CFAP47: variants seen among roughly 807,000 people sequenced by gnomAD.
CFAP47 encodes cilia- and flagella-associated protein 47.
Under a neutral mutation model 148.1 loss-of-function variants are expected in CFAP47, and 29 were observed. The ratio of observed to expected loss-of-function variants is 0.20; its 90% CI spans 0.15 to 0.27. The LOEUF (loss-of-function observed/expected upper bound fraction) is 0.27, where lower values mean the gene tolerates loss of function less well. Ranked by LOEUF, CFAP47 falls within the 10% of genes least tolerant of loss-of-function variation. CFAP47 has a pLI of 1.00. For missense variants in CFAP47, 1,872 were observed against 1,697.5 expected (o/e 1.10, Z -1.81); for synonymous variants, 664 against 577.3 (o/e 1.15, Z -2.15).
In CFAP47 at chrX:36,299,134, C is replaced by T. The variant is rs967476751; in HGVS notation, c.7844C>T (p.Thr2615Ile). The change falls in exon 52 of 64, where the codon ACA becomes ATA. Residue 2615 changes from threonine to isoleucine, a missense_variant. Thr to Ile is a moderately conservative substitution (Grantham distance 89). Coordinates refer to ENST00000378653, the MANE Select transcript of CFAP47 (RefSeq NM_001304548.2). ...ATTGTATGGTATTCTCCAGCAACTA[C>T]AGGCTACAGCGATGAAAGGTATGGT... ...KYIVWYSPAT[T>I]GYSDESIIFQ... The T allele has an allele frequency of 9.5e-7, 1 of 1,057,719 alleles. No homozygotes were observed. Among genetic ancestry groups the T allele is most frequent in the Middle Eastern group, 2.6e-4 (1 of 3,885 alleles). 87.2% of individuals were successfully genotyped at this position (1,057,719 alleles called of 1,213,427 possible).
At chrX:36,063,544 G>C (rs1937611417) in intron 26 of CFAP47, among the ~76,000 whole-genome samples, 1 of 111,389 alleles carries the variant, frequency 9.0e-6, no homozygotes, top group Non-Finnish European at 1.9e-5. Context: ...CTGCAAACTA[G>C]GTTTGTAAGA....
chrX:36,256,658 A>G (rs1555999019), intron 49 of CFAP47, among the ~76,000 whole-genome samples: 1 of 111,825 alleles, frequency 8.9e-6, no homozygotes, highest in African/African-American at 3.2e-5. Flanking sequence ...ACAAACAGGG[A>G]GATGTGTAAA....
chrX:36,027,914 G>A (rs796135916), intron 22 of CFAP47, among the ~76,000 whole-genome samples: 2 of 111,420 alleles, frequency 1.8e-5, no homozygotes, highest in African/African-American at 6.5e-5. Flanking sequence ...AATTAGTGAT[G>A]TTGAAATGTT....
chrX:36,153,361 C>T (rs990849450), intron 37 of CFAP47, among the ~76,000 whole-genome samples: 2 of 112,259 alleles, frequency 1.8e-5, no homozygotes, highest in Non-Finnish European at 3.8e-5. Flanking sequence ...TCCAGGCCCA[C>T]TGGTGGTCCT....
intron 45 of CFAP47, among the ~76,000 whole-genome samples, chrX:36,212,410 A>G (rs1429360499): frequency 9.0e-6 from 1 of 111,616 alleles, no homozygotes; most frequent in Non-Finnish European, 1.9e-5. Context: ...AATGGATTTT[A>G]GAATCTGCTC....
chrX:36,362,545 T>C (rs1258469929), intron 61 of CFAP47, among the ~76,000 whole-genome samples: 2 of 112,390 alleles, frequency 1.8e-5, no homozygotes, highest in Non-Finnish European at 3.8e-5. Context: ...TATTCCATAG[T>C]GTGTACATGT....
At chrX:35,989,724 A>G (rs1261727421) in intron 16 of CFAP47, 3 of 571,901 alleles carry the variant, frequency 5.2e-6, no homozygotes, top group African/African-American at 2.3e-5. Context: ...GTAATATGCA[A>G]TTTTAACCTT....
chrX:35,971,162 A>G (rs956209619), intron 11 of CFAP47, among the ~76,000 whole-genome samples: 5 of 112,188 alleles, frequency 4.5e-5, no homozygotes, highest in African/African-American at 6.5e-5. Context: ...TCCAGTGCCT[A>G]TGATTTATGG....
At chrX:36,074,612 T>G (rs1937813289) in intron 29 of CFAP47, among the ~76,000 whole-genome samples, 1 of 111,842 alleles carries the variant, frequency 8.9e-6, no homozygotes, top group Admixed American at 9.5e-5. Context: ...TTTTTCAAAT[T>G]TTTGAACAAA....
At chrX:36,363,649 C>A (rs782148435) in intron 61 of CFAP47, among the ~76,000 whole-genome samples, 4 of 111,710 alleles carry the variant, frequency 3.6e-5, no homozygotes, top group African/African-American at 1.3e-4. Flanking sequence ...AAATTCAATT[C>A]TGTTCTTTTT....
In CFAP47 at chrX:36,214,915, A is replaced by T. The variant is rs182990701; in HGVS notation, c.6817+9805A>T. Among the ~76,000 whole-genome samples the T allele has an allele frequency of 3.4e-3, 385 of 112,391 alleles. 4 individuals carry two copies. Among genetic ancestry groups the T allele is most frequent in the African/African-American group, 0.012 (361 of 31,009 alleles). On this transcript the variant is annotated intron_variant, in intron 45 of 63. Coordinates refer to ENST00000378653, the MANE Select transcript of CFAP47 (RefSeq NM_001304548.2). ...ACCCTAAAATAACAAGAAAAAGTAT[A>T]GTATAATAAATACATAAATCAACAA...
chrX:36,169,270 A>G lies in CFAP47; in HGVS notation c.6026+8501A>G, dbSNP rs1939535359. 2.7e-5 allele frequency among the ~76,000 whole-genome samples: 3 copies of G among 111,243 alleles called. No homozygotes were observed. The South Asian group carries it at 1.1e-3, about 42-fold the overall frequency. On this transcript the variant is annotated intron_variant, in intron 39 of 63. Transcript: ENST00000378653. The stretch of plus-strand genomic sequence containing the variant: ...GTGGATTGCCTTAAGTTTATCCTAC[A>G]AAGTGTTCTTTGTGCTTCTTGGATG...
At chrX:36,065,053 T>A (rs979383906) in intron 26 of CFAP47, among the ~76,000 whole-genome samples, 2 of 112,060 alleles carry the variant, frequency 1.8e-5, no homozygotes, top group Non-Finnish European at 3.8e-5. Flanking sequence ...TATAAGAGAT[T>A]TGGAGACCTG....
At chrX:36,029,886 A>AGTTCTTAGT (rs2146717775) in intron 22 of CFAP47, among the ~76,000 whole-genome samples, 1 of 110,515 alleles carries the variant, frequency 9.0e-6, no homozygotes, top group East Asian at 2.8e-4. Flanking sequence ...AATTAGCAAG[A>AGTTCTTAGT]GTTCTTAGTA....
At chrX:35,944,772 A>G (rs1936061392) in intron 3 of CFAP47, among the ~76,000 whole-genome samples, 1 of 111,690 alleles carries the variant, frequency 9.0e-6, no homozygotes, top group Non-Finnish European at 1.9e-5. Flanking sequence ...TTGCTTCTCT[A>G]GAGAAGATAG....
At chrX:36,041,470 C>T (rs1178892137) in intron 25 of CFAP47, among the ~76,000 whole-genome samples, 1 of 111,278 alleles carries the variant, frequency 9.0e-6, no homozygotes, top group Non-Finnish European at 1.9e-5. Context: ...AGAAAACATC[C>T]TCTGATGATT....
At chrX:36,140,736 TC>T (rs1479482131) in intron 35 of CFAP47, among the ~76,000 whole-genome samples, 2 of 112,210 alleles carry the variant, frequency 1.8e-5, no homozygotes, top group East Asian at 5.7e-4. Context: ...TGCTTAAGTT[TC>T]TTCTTTATTA....
intron 21 of CFAP47, among the ~76,000 whole-genome samples, chrX:36,014,198 T>C (rs1229417641): frequency 8.9e-6 from 1 of 112,051 alleles, no homozygotes; most frequent in Non-Finnish European, 1.9e-5. Context: ...ATGTGTAATT[T>C]GTATAGCTTC....
At chrX:36,241,054 G>A (rs1028074840) in intron 48 of CFAP47, among the ~76,000 whole-genome samples, 4 of 110,394 alleles carry the variant, frequency 3.6e-5, no homozygotes, top group Non-Finnish European at 7.6e-5. Flanking sequence ...GGAGGAGGAA[G>A]CTGGAAACCC....
Sources: allele counts gnomAD v4.1 joint callset (sites outside exome capture counted in the v4.1 genomes callset), GRCh38; gene constraint gnomAD v4.1.1; transcripts MANE v1.5; gene names NCBI Gene and HGNC (gene_info 2026-07-23, HGNC 2026-07-21).